The following SPTBN2 variants were observed in gnomAD, a reference collection of about 807,000 sequenced individuals.
The protein encoded by SPTBN2 is spectrin beta chain, non-erythrocytic 2.
SPTBN2 carries 107 observed loss-of-function variants against 284.2 expected under a neutral mutation model. That is an observed-to-expected ratio of 0.38 (90% CI 0.32 to 0.44). The LOEUF (loss-of-function observed/expected upper bound fraction) is 0.44, where lower values mean the gene tolerates loss of function less well. Ranked by LOEUF, SPTBN2 falls within the 20% of genes least tolerant of loss-of-function variation. The pLI is 1.00. For missense variants in SPTBN2, 2,569 were observed against 3,287.1 expected, an observed-to-expected ratio of 0.78 and a Z score of 5.34; for synonymous variants, 1,289 against 1,354.8, an observed-to-expected ratio of 0.95 and a Z score of 1.07.
At chr11:66,705,490 G>T (rs756425680) in intron 14 of SPTBN2, 22 bp from the exon 15 acceptor site, 3 of 1,612,676 alleles carry the variant, frequency 1.9e-6, no homozygotes, top group African/African-American at 1.3e-5. Flanking sequence ...ACAGGAGAGG[G>T]TCAGAGCCTT....
rs1016461653 is a variant in SPTBN2, at chr11:66,690,214, C to T, written c.5635G>A (p.Gly1879Ser). ...TCGGCCACGGCCTGCATGTGGCGGC[C>T]GATCTCCTCAGCCTTGTCTCCAGCG... ...AYAGDKAEEI[G>S]RHMQAVAEAW... Residue 1879 changes from glycine (G) to serine (S), a missense_variant, in exon 28 of 38, where the codon GGC (glycine) becomes AGC (serine). Coordinates refer to ENST00000533211, the MANE Select transcript of SPTBN2 (RefSeq NM_006946.4). The T allele has an allele frequency of 1.4e-5, 23 of 1,613,596 alleles. No individual in the cohort carries two copies. The highest frequency in any genetic ancestry group is 4.0e-5 in the African/African-American group (3 of 74,938).
rs1430279191 is a variant in SPTBN2 at position 66,715,199 on chromosome 11, T to C, written c.483+23A>G. 6.2e-7 allele frequency: 1 copy of C among 1,613,982 alleles called. No individual in the cohort carries two copies. Among genetic ancestry groups the C allele is most frequent in the African/African-American group, 1.3e-5 (1 of 74,922 alleles). Reference sequence around the variant, plus strand: ...CAGAGCCAGGGCAGGAACCACACCCTGTGTGACAGTGTGCTGGGGTACCTG... The same window carrying C: ...CAGAGCCAGGGCAGGAACCACACCCCGTGTGACAGTGTGCTGGGGTACCTG... On this transcript the variant is annotated intron_variant, in intron 5 of 37. Transcript: ENST00000533211. The surrounding 1 kb of genome is among the most constrained non-coding windows in gnomAD (Gnocchi z 5.3).
In SPTBN2 at chr11:66,718,590, C is replaced by T. The variant is rs1208229115; in HGVS notation, c.157+2494G>A. 6.6e-6 allele frequency among the ~76,000 whole-genome samples: 1 copy of T among 152,210 alleles called. No individual in the cohort carries two copies. Among genetic ancestry groups the T allele is most frequent in the East Asian group, 1.9e-4 (1 of 5,196 alleles). ...TCGCTGGCCTCATGCAGGCCGTTCC[C>T]GTGCACCCTGCTCACTCCGTTCCCA... On this transcript the variant is annotated intron_variant, in intron 3 of 37. Transcript: ENST00000533211. The surrounding 1 kb of genome is among the most constrained non-coding windows in gnomAD (Gnocchi z 4.8).
chr11:66,723,038 G>T (rs892798179), intron 1 of SPTBN2, among the ~76,000 whole-genome samples: 1 of 152,004 alleles, frequency 6.6e-6, no homozygotes, highest in Non-Finnish European at 1.5e-5. Context: ...ACATACACAG[G>T]TTCCTCAACC....
chr11:66,694,144 C>T lies in SPTBN2; in HGVS notation c.4498G>A (p.Glu1500Lys). Residue 1500 changes from glutamate (E) to lysine (K), a missense_variant, in exon 22 of 38, where the codon GAG becomes AAG. By Grantham distance (56) the Glu-to-Lys change is moderately conservative. Around this residue, in one of 6 missense-constraint regions of SPTBN2, gnomAD observed 1,130 missense variants for 1,317.3 expected, o/e 0.86. Coordinates refer to ENST00000533211, the MANE Select transcript of SPTBN2 (RefSeq NM_006946.4). ...QHQFHRDVED[E>K]ILWVTERLPM... ...CCTTGGCCCCAGTGACTCACAATCTCATCTTCCACATCGCGGTGGAACTGG... is the reference window on the plus strand; with the variant it reads ...CCTTGGCCCCAGTGACTCACAATCTTATCTTCCACATCGCGGTGGAACTGG... The T allele has an allele frequency of 1.2e-6, 2 of 1,606,256 alleles. No individual in the cohort carries two copies. The highest frequency in any genetic ancestry group is 1.7e-6 in the Non-Finnish European group (2 of 1,180,000).
rs780059779 is a variant in SPTBN2, at chr11:66,705,723, C to T, written c.1768G>A (p.Val590Ile). 3.3e-5 allele frequency: 53 copies of T among 1,612,312 alleles called. No individual in the cohort carries two copies. Among genetic ancestry groups the T allele is most frequent in the Middle Eastern group, 1.6e-4 (1 of 6,082 alleles). ...IAVQAERVRA[V>I]SASALRFCNP... ...CAGAAGCGCAGGGCAGAGGCGCTGA[C>T]GGCCCGCACCCTCTCGGCCTGCACG... The change falls in exon 14 of 38, where the codon GTC (valine) becomes ATC (isoleucine). Residue 590 changes from valine to isoleucine, a missense_variant. Physicochemically the swap from Val to Ile is conservative, Grantham distance 29. Around this residue, in one of 6 missense-constraint regions of SPTBN2, gnomAD observed 1,012 missense variants for 1,248.9 expected, o/e 0.81. Transcript: ENST00000533211.
chr11:66,736,813 G>A (rs1942853469), intron 1 of SPTBN2, among the ~76,000 whole-genome samples: 1 of 152,192 alleles, frequency 6.6e-6, no homozygotes, highest in Admixed American at 6.5e-5. Flanking sequence ...AGACATTTGA[G>A]GTCAGTTTTC....
Position 66,710,647 on chromosome 11 carries a change from G to A in SPTBN2, c.1008C>T (p.Ser336=), listed in dbSNP as rs763331852. 7.4e-6 allele frequency: 12 copies of A among 1,614,168 alleles called. No homozygotes were observed. Among genetic ancestry groups the A allele is most frequent in the Non-Finnish European group, 9.3e-6 (11 of 1,180,024 alleles). ...VTLNDRQLAN[S]LSGVQNQLQS... ...GCAGCTGGTTCTGGACCCCGCTAAG[G>A]GAGTTGGCCAACTGCCGGTCATTGA... Residue 336 remains serine, a synonymous_variant, in exon 10 of 38, where the codon TCC becomes TCT. Transcript: ENST00000533211. The surrounding 1 kb of genome is among the most constrained non-coding windows in gnomAD (Gnocchi z 4.9).
In SPTBN2 at chr11:66,691,237, C is replaced by T; in HGVS notation, c.5565+47G>A. On this transcript the variant is annotated intron_variant, in intron 27 of 37. Coordinates refer to ENST00000533211, the MANE Select transcript of SPTBN2 (RefSeq NM_006946.4). The surrounding 1 kb of genome is among the most constrained non-coding windows in gnomAD (Gnocchi z 8.0). ...TGGGAACTCTCCCCGGCATTTCCCC[C>T]ATGGCCTCCTCTAAGCCTCCCCCAC... 6.6e-7 allele frequency: 1 copy of T among 1,504,284 alleles called. No homozygotes were observed. The highest frequency in any genetic ancestry group is 8.9e-7 in the Non-Finnish European group (1 of 1,125,890). The allele number at this position is 1,504,284 out of a possible 1,614,324, so 93.2% of individuals were successfully genotyped here.
Position 66,707,723 on chromosome 11 carries a change from C to G in SPTBN2, c.1446G>C (p.Gln482His), listed in dbSNP as rs755702786. ...TDIVAYSGRV[Q>H]AVDAVAAELA... ...GCTCTGCAGCCACGGCGTCCACTGC[C>G]TGCACCCGGCCGCTGTAGGCCACGA... The change falls in exon 13 of 38, where the codon CAG becomes CAC. Residue 482 changes from glutamine (Q) to histidine (H), a missense_variant. By Grantham distance (24) the Gln-to-His change is conservative (BLOSUM62 0). This residue lies in a region of SPTBN2 where 1,012 missense variants were observed against 1,248.9 expected (regional missense o/e 0.81). Transcript: ENST00000533211. This position sits in a 1 kb window ranked among gnomAD's most constrained non-coding sequence, Gnocchi z 4.9. 6.2e-7 allele frequency: 1 copy of G among 1,605,746 alleles called. No individual in the cohort carries two copies. The highest frequency in any genetic ancestry group is 8.5e-7 in the Non-Finnish European group (1 of 1,178,584).
upstream of SPTBN2, among the ~76,000 whole-genome samples, chr11:66,729,944 G>A (rs1942775261): frequency 6.6e-6 from 1 of 152,072 alleles, no homozygotes; most frequent in African/African-American, 2.4e-5. Flanking sequence ...TGGGATTACA[G>A]GTGCATGCCA....
intron 27 of SPTBN2, 45 bp from the exon 28 acceptor site, chr11:66,690,328 G>C: frequency 6.5e-7 from 1 of 1,532,038 alleles, no homozygotes; most frequent in Non-Finnish European, 8.7e-7. Flanking sequence ...GGGACTCCAA[G>C]GAGCCGCAGC....
At position 66,685,866 on chromosome 11, in the gene SPTBN2, C is replaced by G. The variant is rs756577045; in HGVS notation, c.*5G>C. 12 of 1,613,100 alleles carry G rather than the reference C, an allele frequency of 7.4e-6. No individual in the cohort carries two copies. Among genetic ancestry groups the G allele is most frequent in the Non-Finnish European group, 1.0e-5 (12 of 1,179,708 alleles). ...GAGGGAGTTGGCCTGGGACCTTGCC[C>G]CCAACTACTTGTTCTTCTTAAAGAA... On this transcript the variant is annotated 3_prime_UTR_variant, in exon 38 of 38. Transcript: ENST00000533211. The surrounding 1 kb of genome is among the most constrained non-coding windows in gnomAD (Gnocchi z 4.4).
chr11:66,715,486 C>A lies in SPTBN2; in HGVS notation c.310-91G>T. 1 of 1,488,190 alleles carries A rather than the reference C, an allele frequency of 6.7e-7. No homozygotes were observed. Among genetic ancestry groups the A allele is most frequent in the Non-Finnish European group, 9.1e-7 (1 of 1,102,230 alleles). 92.2% of individuals were successfully genotyped at this position (1,488,190 alleles called of 1,614,324 possible). On this transcript the variant is annotated intron_variant, in intron 4 of 37. Coordinates refer to ENST00000533211, the MANE Select transcript of SPTBN2 (RefSeq NM_006946.4). The surrounding 1 kb of genome is among the most constrained non-coding windows in gnomAD (Gnocchi z 5.3). ...AGGGCCCAGCTTTGCACACCTTCCCCATGACCTACCTCAGGAACACAGACA... is the reference window on the plus strand; with the variant it reads ...AGGGCCCAGCTTTGCACACCTTCCCAATGACCTACCTCAGGAACACAGACA...
In SPTBN2 at chr11:66,689,149, C is replaced by A. The variant is rs746890946; in HGVS notation, c.5981G>T (p.Arg1994Leu). ...CCACTTCTCAGCTGTCTCCTGGCGC[C>A]GTGCCTGCAGCTGAGACAGCTTCTC... is the stretch of plus-strand genomic sequence containing the variant. ...ISEKLSQLQA[R>L]RQETAEKWQE... Residue 1994 changes from arginine to leucine, a missense_variant, in exon 30 of 38, where the codon CGG becomes CTG. Physicochemically the swap from Arg to Leu is moderately radical, Grantham distance 102 (BLOSUM62 -2). Transcript: ENST00000533211. 1 of 1,609,818 alleles carries A rather than the reference C, an allele frequency of 6.2e-7. No individual in the cohort carries two copies. The highest frequency in any genetic ancestry group is 1.1e-5 in the South Asian group (1 of 90,064).
rs754831286 is a variant in SPTBN2, at chr11:66,690,096, T to C, written c.5753A>G (p.Glu1918Gly). ...DKFRFFKAVRELMLWMDEVNL... is the reference protein window; with the variant it reads ...DKFRFFKAVRGLMLWMDEVNL... ...GACCTCATCCATCCAGAGCATCAGT[T>C]CCCGGACAGCCTTGAAGAAGCGGAA... The change falls in exon 28 of 38, where the codon GAA (glutamate) becomes GGA (glycine). Residue 1918 changes from glutamate (E) to glycine (G), a missense_variant. Transcript: ENST00000533211. The C allele has an allele frequency of 1.9e-6, 3 of 1,614,170 alleles. No individual in the cohort carries two copies. In the South Asian group the frequency reaches 3.3e-5, roughly 18 times the overall value.
Position 66,708,127 on chromosome 11 carries a change from G to T in SPTBN2, c.1350+14C>A. 6 of 1,613,180 alleles carry T rather than the reference G, an allele frequency of 3.7e-6. No individual in the cohort carries two copies. Among genetic ancestry groups the T allele is most frequent in the Non-Finnish European group, 5.1e-6 (6 of 1,179,878 alleles). ...TCTGACCAGCCTAAGCATCCTAGGA[G>T]CCTCAAGTCCTACCTGGGACACGAG... On this transcript the variant is annotated intron_variant, in intron 12 of 37. Transcript: ENST00000533211. This position sits in a 1 kb window ranked among gnomAD's most constrained non-coding sequence, Gnocchi z 4.4.
chr11:66,688,704 C>T lies in SPTBN2; in HGVS notation c.6180G>A (p.Lys2060=). 6.2e-7 allele frequency: 1 copy of T among 1,614,032 alleles called. No homozygotes were observed. Among genetic ancestry groups the T allele is most frequent in the South Asian group, 1.1e-5 (1 of 91,084 alleles). Residue 2060 remains lysine, a synonymous_variant, in exon 31 of 38, where the codon AAG becomes AAA. Transcript: ENST00000533211. The stretch of plus-strand genomic sequence containing the variant: ...ATCGCTCCTCCCAGGCCACTGCTGA[C>T]TTCTGGAAGGCCTCGTGCCGCTTGA... ...SLIKRHEAFQ[K]SAVAWEERFC...
intron 1 of SPTBN2, among the ~76,000 whole-genome samples, chr11:66,741,697 G>C (rs1382506564): frequency 6.6e-6 from 1 of 151,936 alleles, no homozygotes; most frequent in Non-Finnish European, 1.5e-5. Flanking sequence ...CCAAGGGCAG[G>C]TCATTTAGTT....
Sources: gnomAD v4.1 joint callset for allele counts (sites outside exome capture counted in the v4.1 genomes callset) on GRCh38, gnomAD v4.1.1 for gene constraint, gnomAD v4.1.1 regional missense constraint, Gnocchi (gnomAD v3.1) non-coding constraint, MANE v1.5 for transcripts, NCBI Gene and HGNC (gene_info 2026-07-23, HGNC 2026-07-21) for gene names.